UTP20: variants seen among roughly 807,000 people sequenced by gnomAD.
UTP20 encodes UTP20 small subunit processome component, also known as small subunit processome component 20 homolog.
In UTP20, 164 loss-of-function variants were observed where a neutral mutation model predicts 329.5. The observed-to-expected ratio is 0.50, with a 90% CI of 0.44 to 0.57. The LOEUF (loss-of-function observed/expected upper bound fraction) is 0.57. UTP20 is among the 20% of genes least tolerant of loss of function. The probability of loss-of-function intolerance (pLI) is 0.00; values close to 1 mark genes in which losing one functional copy is unlikely to be tolerated. For synonymous variants in UTP20, 1,151 were observed against 1,159.3 expected (o/e 0.99, Z 0.14); for missense variants, 3,055 against 3,284.2 (o/e 0.93, Z 1.71).
chr12:101,337,948 A>T, intron 29 of UTP20, 103 bp from the exon 30 acceptor site: 2 of 996,180 alleles, frequency 2.0e-6, no homozygotes, highest in Non-Finnish European at 3.0e-6. Flanking sequence ...AATCTTATTA[A>T]TGTTGAATAT....
chr12:101,328,859 ACT>A (rs1283166637), intron 26 of UTP20, among the ~76,000 whole-genome samples: 2 of 138,316 alleles, frequency 1.4e-5, no homozygotes, highest in African/African-American at 2.6e-5. Context: ...ACAGAGTGAG[ACT>A]CTGTCTCAAA....
At chr12:101,293,451 G>A (rs569216930) in intron 11 of UTP20, among the ~76,000 whole-genome samples, 6 of 152,048 alleles carry the variant, frequency 3.9e-5, no homozygotes, top group South Asian at 4.1e-4. Flanking sequence ...TTACAGAACC[G>A]TGTGGTAAAA....
intron 56 of UTP20, among the ~76,000 whole-genome samples, chr12:101,377,800 G>A (rs906352671): frequency 6.6e-5 from 10 of 152,268 alleles, no homozygotes; most frequent in Middle Eastern, 3.4e-3. Flanking sequence ...TTTAATTTGC[G>A]TATTTAGCAT....
At chr12:101,282,571 T>C (rs1317170725) in intron 2 of UTP20, among the ~76,000 whole-genome samples, 1 of 151,942 alleles carries the variant, frequency 6.6e-6, no homozygotes, top group Non-Finnish European at 1.5e-5. Context: ...TGAAGCTAAG[T>C]TGGGGTTTTA....
At chr12:101,289,106 G>A (rs1872052753) in intron 6 of UTP20, 65 bp downstream of exon 6, 2 of 1,421,024 alleles carry the variant, frequency 1.4e-6, no homozygotes, top group African/African-American at 2.8e-5. Context: ...GCCAGGCGTG[G>A]TGGCTCATGC....
chr12:101,299,341 A>G (rs1872454030), intron 12 of UTP20, among the ~76,000 whole-genome samples: 1 of 152,232 alleles, frequency 6.6e-6, no homozygotes, highest in South Asian at 2.1e-4. Flanking sequence ...CATGTCAAAA[A>G]GGAAAGGGAG....
chr12:101,321,432 A>G (rs890676309), intron 24 of UTP20, 72 bp from the exon 25 acceptor site: 24 of 1,588,530 alleles, frequency 1.5e-5, no homozygotes, highest in African/African-American at 1.1e-4. Context: ...CTCTGTGTAC[A>G]TATTTCACTC....
intron 5 of UTP20, among the ~76,000 whole-genome samples, chr12:101,288,560 C>T (rs905318548): frequency 6.6e-6 from 1 of 152,262 alleles, no homozygotes; most frequent in Non-Finnish European, 1.5e-5. Context: ...CTGCTCTCCT[C>T]TACTGTATCA....
intron 27 of UTP20, among the ~76,000 whole-genome samples, chr12:101,329,996 TAAA>T (rs556922688): frequency 8.0e-6 from 1 of 125,778 alleles, no homozygotes; most frequent in Non-Finnish European, 1.7e-5. Flanking sequence ...CTCTGCCTCT[TAAA>T]AAAAAAAAAA....
chr12:101,333,511 A>C (rs1227947946), intron 28 of UTP20, 67 bp downstream of exon 28: 1 of 1,562,400 alleles, frequency 6.4e-7, no homozygotes, highest in Admixed American at 1.9e-5. Context: ...ACTCACCAAC[A>C]TAGCTACCAC....
At chr12:101,293,106 CT>C (rs1308497812) in intron 10 of UTP20, 61 bp from the exon 11 acceptor site, 1 of 1,524,844 alleles carries the variant, frequency 6.6e-7, no homozygotes, top group Non-Finnish European at 9.1e-7. Flanking sequence ...TAGCTGCTTG[CT>C]GGGGGGATGG....
chr12:101,310,114 T>G (rs1872740046), intron 19 of UTP20, among the ~76,000 whole-genome samples: 3 of 152,218 alleles, frequency 2.0e-5, no homozygotes, highest in Admixed American at 2.0e-4. Context: ...ATGATACTTT[T>G]GTGTTATTAA....
intron 15 of UTP20, among the ~76,000 whole-genome samples, chr12:101,304,377 T>G (rs572589473): frequency 7.9e-5 from 12 of 152,208 alleles, no homozygotes; most frequent in Non-Finnish European, 1.8e-4. Flanking sequence ...TTGTAGAGAT[T>G]AAGTTATACA....
chr12:101,347,447 C>T (rs1407214847), intron 38 of UTP20, among the ~76,000 whole-genome samples: 4 of 151,982 alleles, frequency 2.6e-5, no homozygotes, highest in Non-Finnish European at 5.9e-5. Context: ...CATTTGAACC[C>T]AGGAGGCAGA....
At chr12:101,372,035 G>A (rs1469269850) in intron 51 of UTP20, among the ~76,000 whole-genome samples, 1 of 152,206 alleles carries the variant, frequency 6.6e-6, no homozygotes. Flanking sequence ...TGGAAGGCAA[G>A]ATGCATGTCT....
In UTP20 at chr12:101,363,502, T is replaced by A. The variant is rs1593449665; in HGVS notation, c.5791-74T>A. The A allele has an allele frequency of 9.9e-6, 14 of 1,415,130 alleles. No individual in the cohort carries two copies. In the East Asian group the frequency reaches 3.3e-4, roughly 34 times the overall value. 87.7% of individuals were successfully genotyped at this position (1,415,130 alleles called of 1,614,324 possible). A position where few individuals can be genotyped will look rare whatever the true frequency, so the allele number is the denominator to read the frequency against. ...CTTTGATTTGGACATACCAGGGCCT[T>A]TTTTCAGTGACTGCTTATGTTGGCA... On this transcript the variant is annotated intron_variant, in intron 44 of 61. Coordinates refer to ENST00000261637, the MANE Select transcript of UTP20 (RefSeq NM_014503.3).
intron 60 of UTP20, 47 bp downstream of exon 60, chr12:101,383,716 C>T: frequency 7.0e-7 from 1 of 1,427,076 alleles, no homozygotes; most frequent in Non-Finnish European, 9.3e-7. Context: ...ATGAGGATTT[C>T]TAACTTCTCT....
intron 48 of UTP20, 76 bp from the exon 49 acceptor site, chr12:101,369,645 C>T (rs1425336451): frequency 4.0e-6 from 3 of 742,814 alleles, no homozygotes; most frequent in Non-Finnish European, 7.2e-6. Context: ...TTTAAAGAGT[C>T]TGCATAGCCT....
At chr12:101,296,072 C>T (rs556847775) in intron 12 of UTP20, among the ~76,000 whole-genome samples, 3 of 152,308 alleles carry the variant, frequency 2.0e-5, no homozygotes, top group East Asian at 1.9e-4. Flanking sequence ...GAGCATACTG[C>T]GATATCACAA....
Sources: allele counts gnomAD v4.1 joint callset (sites outside exome capture counted in the v4.1 genomes callset), GRCh38; gene constraint gnomAD v4.1.1; transcripts MANE v1.5; gene names NCBI Gene and HGNC (gene_info 2026-07-23, HGNC 2026-07-21).